DLEU7: variants seen among roughly 807,000 people sequenced by gnomAD.
DLEU7 encodes the protein leukemia-associated protein 7.
DLEU7 carries 17 observed loss-of-function variants against 16.0 expected under a neutral mutation model. The ratio of observed to expected loss-of-function variants is 1.06; its 90% CI spans 0.73 to 1.59. DLEU7 has a LOEUF of 1.59. Among genes scored for constraint, DLEU7 ranks in the 40% most tolerant of loss-of-function variants. The probability of loss-of-function intolerance (pLI) is 0.00; values close to 1 mark genes in which losing one functional copy is unlikely to be tolerated. For synonymous variants in DLEU7, 113 were observed against 139.8 expected, an observed-to-expected ratio of 0.81 and a Z score of 1.35; for missense variants, 308 against 314.9, an observed-to-expected ratio of 0.98 and a Z score of 0.17.
At chr13:50,736,901 C>A (rs904388203) in intron 1 of DLEU7, among the ~76,000 whole-genome samples, 2 of 151,900 alleles carry the variant, frequency 1.3e-5, no homozygotes, top group Non-Finnish European at 2.9e-5. Flanking sequence ...AATTTAGCAA[C>A]TTGAGGTTAA....
chr13:50,732,856 AG>A (rs1873955333), intron 1 of DLEU7, among the ~76,000 whole-genome samples: 1 of 152,170 alleles, frequency 6.6e-6, no homozygotes, highest in South Asian at 2.1e-4. Context: ...AACTTATGTA[AG>A]GGCCTCTTTC....
intron 1 of DLEU7, among the ~76,000 whole-genome samples, chr13:50,808,244 TTATC>T (rs1050214173): frequency 1.3e-5 from 2 of 152,214 alleles, no homozygotes; most frequent in African/African-American, 2.4e-5. Context: ...GGCCATAACA[TTATC>T]AATCAATATC....
At chr13:50,775,788 G>A (rs12875029) in intron 1 of DLEU7, among the ~76,000 whole-genome samples, 4 of 152,316 alleles carry the variant, frequency 2.6e-5, no homozygotes, top group African/African-American at 9.6e-5. Flanking sequence ...TGTTCCCAGA[G>A]TTTACAATAG....
At chr13:50,786,525 A>G (rs1400690025) in intron 1 of DLEU7, among the ~76,000 whole-genome samples, 2 of 152,216 alleles carry the variant, frequency 1.3e-5, no homozygotes, top group Non-Finnish European at 2.9e-5. Context: ...TTCAGCAGGA[A>G]GAGAAATCCA....
intron 1 of DLEU7, among the ~76,000 whole-genome samples, chr13:50,739,514 C>T (rs571252243): frequency 1.2e-4 from 18 of 152,126 alleles, no homozygotes; most frequent in African/African-American, 3.1e-4. Context: ...AAAACCCAGA[C>T]GGGGAAGGAA....
chr13:50,802,217 T>G (rs572121664), intron 1 of DLEU7, among the ~76,000 whole-genome samples: 12 of 151,214 alleles, frequency 7.9e-5, no homozygotes, highest in Non-Finnish European at 1.3e-4. Context: ...GGCTGGCCTC[T>G]GAGGAACTGG....
At chr13:50,788,898 T>G (rs1875867342) in intron 1 of DLEU7, among the ~76,000 whole-genome samples, 1 of 152,106 alleles carries the variant, frequency 6.6e-6, no homozygotes, top group African/African-American at 2.4e-5. Context: ...CAACTGCATT[T>G]TATTTTCAGC....
chr13:50,840,885 T>C (rs1566271376), intron 1 of DLEU7, among the ~76,000 whole-genome samples: 1 of 152,148 alleles, frequency 6.6e-6, no homozygotes, highest in Non-Finnish European at 1.5e-5. Context: ...GCCTCTATTT[T>C]CTCAGAAAAG....
rs1877723247 is a variant in DLEU7 at position 50,843,055 on chromosome 13, C to T, written c.459+133G>A. The T allele has an allele frequency of 3.2e-6, 3 of 944,942 alleles. No individual in the cohort carries two copies. The East Asian group carries it at 9.9e-5, about 31-fold the overall frequency. 58.5% of individuals were successfully genotyped at this position (944,942 alleles called of 1,614,324 possible). ...GTGTCCCCCGCCCCCTTCCTTCTCC[C>T]ACTGGGGCTGAATCACAGTGGGCAG... is the stretch of plus-strand genomic sequence containing the variant. On this transcript the variant is annotated intron_variant, in intron 1 of 1. Transcript: ENST00000504404. This position sits in a 1 kb window ranked among gnomAD's most constrained non-coding sequence, Gnocchi z 5.7.
chr13:50,741,796 A>C (rs1874257403), intron 1 of DLEU7, among the ~76,000 whole-genome samples: 1 of 152,230 alleles, frequency 6.6e-6, no homozygotes, highest in African/African-American at 2.4e-5. Context: ...TAAATTAAAT[A>C]TGAATTAAGT....
intron 1 of DLEU7, among the ~76,000 whole-genome samples, chr13:50,841,823 A>AG (rs1163927437): frequency 6.6e-6 from 1 of 152,120 alleles, no homozygotes; most frequent in Non-Finnish European, 1.5e-5. Context: ...ATTAAAAAAA[A>AG]TTTTGGTGAT....
At chr13:50,816,927 C>G (rs1226165103) in intron 1 of DLEU7, among the ~76,000 whole-genome samples, 1 of 152,118 alleles carries the variant, frequency 6.6e-6, no homozygotes, top group African/African-American at 2.4e-5. Flanking sequence ...CTTTGCTGTT[C>G]TCCTGTACTC....
At chr13:50,753,630 G>A (rs955072809) in intron 1 of DLEU7, among the ~76,000 whole-genome samples, 39 of 152,250 alleles carry the variant, frequency 2.6e-4, no homozygotes, top group Admixed American at 7.8e-4. Flanking sequence ...ACGCCCACCC[G>A]GAACTCGCAC....
chr13:50,724,101 G>A (rs999760513), intron 1 of DLEU7, among the ~76,000 whole-genome samples: 1 of 151,930 alleles, frequency 6.6e-6, no homozygotes, highest in African/African-American at 2.4e-5. Context: ...GGTACAGATG[G>A]TCAATACATT....
At chr13:50,801,359 G>A (rs1214313181) in intron 1 of DLEU7, among the ~76,000 whole-genome samples, 2 of 152,098 alleles carry the variant, frequency 1.3e-5, no homozygotes, top group African/African-American at 4.8e-5. Flanking sequence ...AGCTATTCCA[G>A]GTGACCATTC....
At chr13:50,839,540 TC>T (rs1014969854) in intron 1 of DLEU7, among the ~76,000 whole-genome samples, 10 of 152,304 alleles carry the variant, frequency 6.6e-5, no homozygotes, top group African/African-American at 2.4e-4. Flanking sequence ...GCCTTAACCT[TC>T]TGGTGGATTG....
At chr13:50,824,318 T>G (rs1877014050) in intron 1 of DLEU7, among the ~76,000 whole-genome samples, 1 of 152,144 alleles carries the variant, frequency 6.6e-6, no homozygotes, top group African/African-American at 2.4e-5. Context: ...TGATTCCACA[T>G]CAAAGATAAT....
chr13:50,723,028 T>C (rs1376099991), intron 1 of DLEU7: 2 of 152,236 alleles, frequency 1.3e-5, no homozygotes, highest in Admixed American at 1.3e-4. Context: ...TGTATCAGAT[T>C]TTCTTAAGCA....
At chr13:50,769,845 A>G (rs1875242192) in intron 1 of DLEU7, among the ~76,000 whole-genome samples, 1 of 152,138 alleles carries the variant, frequency 6.6e-6, no homozygotes, top group Non-Finnish European at 1.5e-5. Context: ...AGCTTGATGG[A>G]GATGGCATTG....
Sources: gnomAD v4.1 joint callset for allele counts (sites outside exome capture counted in the v4.1 genomes callset) on GRCh38, gnomAD v4.1.1 for gene constraint, Gnocchi (gnomAD v3.1) non-coding constraint, MANE v1.5 for transcripts, NCBI Gene and HGNC (gene_info 2026-07-23, HGNC 2026-07-21) for gene names.